TASOR: variants seen among roughly 807,000 people sequenced by gnomAD.
The protein encoded by TASOR is protein TASOR.
Under a neutral mutation model 178.6 loss-of-function variants are expected in TASOR, and 53 were observed. The ratio of observed to expected loss-of-function variants is 0.30; its 90% CI spans 0.24 to 0.37. The LOEUF (loss-of-function observed/expected upper bound fraction) is 0.37. Ranked by LOEUF, TASOR falls within the 10% of genes least tolerant of loss-of-function variation. The probability of loss-of-function intolerance (pLI) is 1.00; values close to 1 mark genes in which losing one functional copy is unlikely to be tolerated. For missense variants in TASOR, 1,815 were observed against 1,971.4 expected, an observed-to-expected ratio of 0.92 and a Z score of 1.50; for synonymous variants, 713 against 696.2, an observed-to-expected ratio of 1.02 and a Z score of -0.38.
intron 9 of TASOR, among the ~76,000 whole-genome samples, 182 bp from the exon 10 acceptor site, chr3:56,661,199 T>C (rs1383954860): frequency 6.6e-6 from 1 of 152,206 alleles, no homozygotes; most frequent in Non-Finnish European, 1.5e-5. Flanking sequence ...TAGGCTAGAG[T>C]GCAGTGGTGC....
In TASOR at chr3:56,674,345, T is replaced by TAA. The variant is rs71294724; in HGVS notation, c.332-622_332-621dup. On this transcript the variant is annotated intron_variant, in intron 1 of 23. Coordinates refer to ENST00000683822, the MANE Select transcript of TASOR (RefSeq NM_001365635.2). ...GTGAGACCCTGTCTCTACAAACCAT[T>TAA]AAAAAAAAAAAAAAATTAGCCAGGC... Among the ~76,000 whole-genome samples, 7 of 135,396 alleles carry TAA rather than the reference T, an allele frequency of 5.2e-5. No homozygotes were observed. The South Asian group carries it at 7.1e-4, about 14-fold the overall frequency. 88.8% of individuals were successfully genotyped at this position (135,396 alleles called of 152,430 possible). A position where few individuals can be genotyped will look rare whatever the true frequency, so the allele number is the denominator to read the frequency against.
At chr3:56,638,633 G>T in intron 17 of TASOR, 73 bp downstream of exon 17, 1 of 1,483,554 alleles carries the variant, frequency 6.7e-7, no homozygotes, top group Non-Finnish European at 9.4e-7. Flanking sequence ...CCCTATTGAT[G>T]GAGTATCAGA....
intron 16 of TASOR, 131 bp downstream of exon 16, chr3:56,639,855 G>T: frequency 5.5e-6 from 4 of 722,568 alleles, no homozygotes; most frequent in Non-Finnish European, 9.0e-6. Flanking sequence ...ATAAGACACT[G>T]AAGATGTCAG....
chr3:56,647,734 T>C (rs780790523), intron 13 of TASOR, among the ~76,000 whole-genome samples: 51 of 152,352 alleles, frequency 3.3e-4, no homozygotes, highest in Non-Finnish European at 6.2e-4. Context: ...TTTAGCTTAA[T>C]ACACAGTATT....
intron 2 of TASOR, 65 bp from the exon 3 acceptor site, chr3:56,671,757 T>A: frequency 7.7e-7 from 1 of 1,293,100 alleles, no homozygotes; most frequent in Admixed American, 2.4e-5. Flanking sequence ...CTACAAGTTT[T>A]ATTTTTTTTT....
chr3:56,662,476 T>C lies in TASOR; in HGVS notation c.1069A>G (p.Thr357Ala), dbSNP rs1238588459. The C allele has an allele frequency of 4.0e-6, 6 of 1,498,556 alleles. No homozygotes were observed. The highest frequency in any genetic ancestry group is 4.5e-6 in the Non-Finnish European group (5 of 1,104,646). The allele number at this position is 1,498,556 out of a possible 1,614,324, so 92.8% of individuals were successfully genotyped here. A position where few individuals can be genotyped will look rare whatever the true frequency, so the allele number is the denominator to read the frequency against. The change falls in exon 9 of 24, where the codon ACC becomes GCC. Residue 357 changes from threonine (T) to alanine (A), a missense_variant. This residue lies in a region of TASOR where 504 missense variants were observed against 645.3 expected (regional missense o/e 0.78). Coordinates refer to ENST00000683822, the MANE Select transcript of TASOR (RefSeq NM_001365635.2). ...TDRNIDKYNY[T>A]LWKGQLLNKG... The stretch of plus-strand genomic sequence containing the variant: ...TTTAAAAGCTGTCCTTTCCACAAGG[T>C]ATAGTTATATTTATCTAAATAAAAA...
At chr3:56,635,620 C>T (rs866417899) in intron 17 of TASOR, among the ~76,000 whole-genome samples, 3 of 152,012 alleles carry the variant, frequency 2.0e-5, no homozygotes, top group African/African-American at 7.3e-5. Flanking sequence ...ATATGGGTTG[C>T]GAAGAACTAC....
intron 18 of TASOR, among the ~76,000 whole-genome samples, chr3:56,629,586 C>T (rs1397639844): frequency 6.6e-6 from 1 of 152,202 alleles, no homozygotes; most frequent in Non-Finnish European, 1.5e-5. Context: ...ACTAGTAACT[C>T]TTCCTCCATG....
In TASOR at chr3:56,683,082, G is replaced by C; in HGVS notation, c.-76C>G. On this transcript the variant is annotated 5_prime_UTR_variant, in exon 1 of 24. Coordinates refer to ENST00000683822, the MANE Select transcript of TASOR (RefSeq NM_001365635.2). The stretch of plus-strand genomic sequence containing the variant: ...TGTGGGGGGAAGGGGCGGCGGGCCA[G>C]TCTCGCCGCCGAGCTGCTCTCAGCC... The C allele has an allele frequency of 1.4e-6, 2 of 1,410,092 alleles. No individual in the cohort carries two copies. The highest frequency in any genetic ancestry group is 1.9e-6 in the Non-Finnish European group (2 of 1,069,824). 87.3% of individuals were successfully genotyped at this position (1,410,092 alleles called of 1,614,324 possible).
Position 56,682,740 on chromosome 3 carries a change from G to T in TASOR, c.267C>A (p.Pro89=), listed in dbSNP as rs1327750185. The T allele has an allele frequency of 6.6e-7, 1 of 1,522,796 alleles. No individual in the cohort carries two copies. The highest frequency in any genetic ancestry group is 8.8e-7 in the Non-Finnish European group (1 of 1,133,208). 94.3% of individuals were successfully genotyped at this position (1,522,796 alleles called of 1,614,324 possible). A position where few individuals can be genotyped will look rare whatever the true frequency, so the allele number is the denominator to read the frequency against. The change falls in exon 1 of 24, where the codon CCC becomes CCA. Residue 89 remains proline, a synonymous_variant. Coordinates refer to ENST00000683822, the MANE Select transcript of TASOR (RefSeq NM_001365635.2). ...TCCTAACAGGCCTTTCGGGCTCTTC[G>T]GGGCCTCTGGGCAGGGCGGCCGCGC... is the stretch of plus-strand genomic sequence containing the variant. ...EAGAAALPRG[P]EEPERPVRRS... is the part of the protein sequence containing the mutation.
At chr3:56,632,813 T>C (rs1227177963) in intron 18 of TASOR, among the ~76,000 whole-genome samples, 1 of 152,134 alleles carries the variant, frequency 6.6e-6, no homozygotes, top group African/African-American at 2.4e-5. Flanking sequence ...ATTTTTGTTA[T>C]TAATTTAAGA....
chr3:56,681,914 T>C lies in TASOR; in HGVS notation c.331+762A>G, dbSNP rs1343989664. On this transcript the variant is annotated intron_variant, in intron 1 of 23. Coordinates refer to ENST00000683822, the MANE Select transcript of TASOR (RefSeq NM_001365635.2). The stretch of plus-strand genomic sequence containing the variant: ...TTTTTTTTAACCTGAAGTTCTACCA[T>C]CTAGAAGACCAAGTTGGTGACTCTT... 2.6e-5 allele frequency among the ~76,000 whole-genome samples: 4 copies of C among 152,196 alleles called. No individual in the cohort carries two copies. In the East Asian group the frequency reaches 5.8e-4, roughly 22 times the overall value.
Position 56,663,858 on chromosome 3 carries a change from T to C in TASOR, c.1023-286A>G, listed in dbSNP as rs114085351. The stretch of plus-strand genomic sequence containing the variant: ...AGAGAACAGTGTCCACCAAAGTCTC[T>C]TGTCAATTATTTTGCTGACATTAGA... On this transcript the variant is annotated intron_variant, in intron 7 of 23. Transcript: ENST00000683822. The C allele has an allele frequency of 3.2e-4, 314 of 993,158 alleles. 1 individual carries two copies. The African/African-American group carries it at 4.9e-3, about 15-fold the overall frequency. 61.5% of individuals were successfully genotyped at this position (993,158 alleles called of 1,614,324 possible).
At position 56,655,850 on chromosome 3, in the gene TASOR, GTCTC is replaced by G. The variant is rs563237897; in HGVS notation, c.1368+4877_1368+4880del. ...ATAATAATAAGGGTTATGTAATGTG[GTCTC>G]TCTCTCTCTCAAAATCTTATTGTAA... is the stretch of plus-strand genomic sequence containing the variant. On this transcript the variant is annotated intron_variant, in intron 11 of 23. Transcript: ENST00000683822. Among the ~76,000 whole-genome samples the G allele has an allele frequency of 1.4e-4, 22 of 151,834 alleles. No individual in the cohort carries two copies. In the East Asian group the frequency reaches 2.1e-3, roughly 15 times the overall value.
At chr3:56,641,307 C>T in intron 15 of TASOR, 42 bp downstream of exon 15, 1 of 1,531,480 alleles carries the variant, frequency 6.5e-7, no homozygotes. Context: ...CTTTCACACA[C>T]ACACTCACAA....
intron 11 of TASOR, among the ~76,000 whole-genome samples, chr3:56,658,789 C>A (rs528280929): frequency 1.4e-4 from 22 of 152,082 alleles, no homozygotes; most frequent in Admixed American, 4.6e-4. Context: ...TGCCTCTAAT[C>A]CCAGCTACTC....
intron 3 of TASOR, chr3:56,671,245 AG>A (rs1456270166): frequency 1.2e-5 from 2 of 164,074 alleles, no homozygotes; most frequent in African/African-American, 4.8e-5. Context: ...AGGCTGAGGC[AG>A]GAGAATCGCT....
chr3:56,625,148 G>GGT (rs1651908578), intron 21 of TASOR, 142 bp from the exon 22 acceptor site: 8 of 739,588 alleles, frequency 1.1e-5, no homozygotes, highest in African/African-American at 1.8e-5. Flanking sequence ...TGATGTAGGG[G>GGT]GTGTGCTTCT....
intron 1 of TASOR, among the ~76,000 whole-genome samples, chr3:56,677,999 T>C (rs1559857317): frequency 1.3e-5 from 2 of 152,238 alleles, no homozygotes; most frequent in East Asian, 3.9e-4. Flanking sequence ...TACTTACAAA[T>C]TATAGATGTA....
Sources: allele counts gnomAD v4.1 joint callset (sites outside exome capture counted in the v4.1 genomes callset), GRCh38; gene constraint gnomAD v4.1.1; regional missense constraint gnomAD v4.1.1; transcripts MANE v1.5; gene names NCBI Gene and HGNC (gene_info 2026-07-23, HGNC 2026-07-21).